KMO: variants seen among roughly 807,000 people sequenced by gnomAD.
KMO encodes kynurenine 3-monooxygenase.
A neutral mutation model predicts 57.8 loss-of-function variants in KMO; 24 were observed. That is an observed-to-expected ratio of 0.42 (90% CI 0.30 to 0.58). The LOEUF is 0.58. Among genes scored for constraint, KMO ranks in the 20% least tolerant of loss-of-function variants. The pLI is 0.22. For synonymous variants in KMO, 210 were observed against 193.6 expected, an observed-to-expected ratio of 1.08 and a Z score of -0.70; for missense variants, 483 against 588.2, an observed-to-expected ratio of 0.82 and a Z score of 1.85.
chr1:241,550,140 ACT>A (rs570409159), intron 3 of KMO: 156 of 163,282 alleles, frequency 9.6e-4, no homozygotes, highest in African/African-American at 2.7e-3. Context: ...CTCCAAAAAG[ACT>A]CTGAAAATAG....
At chr1:241,539,732 C>T (rs566062450) in intron 1 of KMO, among the ~76,000 whole-genome samples, 3 of 152,294 alleles carry the variant, frequency 2.0e-5, no homozygotes, top group Admixed American at 6.5e-5. Context: ...TCTCATTCCC[C>T]TGTTATCCTT....
chr1:241,540,543 C>T (rs1465999356), intron 1 of KMO, among the ~76,000 whole-genome samples: 1 of 151,968 alleles, frequency 6.6e-6, no homozygotes, highest in Admixed American at 6.6e-5. Flanking sequence ...AAGTGCATGG[C>T]ATATTCAGAA....
chr1:241,538,584 A>G (rs1660830768), intron 1 of KMO, among the ~76,000 whole-genome samples: 1 of 152,222 alleles, frequency 6.6e-6, no homozygotes, highest in Non-Finnish European at 1.5e-5. Context: ...ATAAAAAGCA[A>G]GCAAGGCAGG....
chr1:241,541,418 T>A (rs761795259), intron 1 of KMO, among the ~76,000 whole-genome samples: 30 of 152,118 alleles, frequency 2.0e-4, no homozygotes, highest in Non-Finnish European at 3.2e-4. Flanking sequence ...AGAAGGAGAA[T>A]GAGAGGGCTG....
Position 241,586,856 on chromosome 1 carries a change from T to C in KMO, c.1015+120T>C. 4 of 697,596 alleles carry C rather than the reference T, an allele frequency of 5.7e-6. No individual in the cohort carries two copies. In the South Asian group the frequency reaches 8.1e-5, roughly 14 times the overall value. 43.2% of individuals were successfully genotyped at this position (697,596 alleles called of 1,614,324 possible). A position where few individuals can be genotyped will look rare whatever the true frequency, so the allele number is the denominator to read the frequency against. On this transcript the variant is annotated intron_variant, in intron 11 of 14. Transcript: ENST00000366559. ...TATAATGTATATTATCTCCCCAGGA[T>C]TACATATTTTTCTACTAATAGTCTA...
At chr1:241,564,200 A>T (rs1178433921) in intron 7 of KMO, among the ~76,000 whole-genome samples, 1 of 152,186 alleles carries the variant, frequency 6.6e-6, no homozygotes, top group African/African-American at 2.4e-5. Context: ...TCTGTAAGCT[A>T]TACATGGAAG....
intron 11 of KMO, among the ~76,000 whole-genome samples, chr1:241,588,138 G>A (rs1573941470): frequency 6.6e-6 from 1 of 151,912 alleles, no homozygotes. Context: ...ATAAAGTGGG[G>A]ATGATACTCT....
At chr1:241,550,781 C>G (rs1282141932) in intron 3 of KMO, among the ~76,000 whole-genome samples, 174 bp from the exon 4 acceptor site, 1 of 152,160 alleles carries the variant, frequency 6.6e-6, no homozygotes, top group African/African-American at 2.4e-5. Context: ...CTAAAAGCTT[C>G]AGGATCACCA....
intron 1 of KMO, among the ~76,000 whole-genome samples, chr1:241,542,597 A>G (rs1425682718): frequency 6.6e-6 from 1 of 152,218 alleles, no homozygotes; most frequent in Non-Finnish European, 1.5e-5. Context: ...TCATGTCCTT[A>G]CTGGGAACAG....
intron 1 of KMO, among the ~76,000 whole-genome samples, chr1:241,547,971 T>A (rs926207362): frequency 1.9e-4 from 29 of 152,156 alleles, no homozygotes; most frequent in African/African-American, 7.0e-4. Flanking sequence ...TCTGTGATCT[T>A]TCATTTAATG....
At position 241,568,718 on chromosome 1, in the gene KMO, A is replaced by C. The variant is rs916730084; in HGVS notation, c.957+71A>C. The C allele has an allele frequency of 1.8e-5, 26 of 1,430,394 alleles. No homozygotes were observed. The South Asian group carries it at 3.2e-4, about 17-fold the overall frequency. 88.6% of individuals were successfully genotyped at this position (1,430,394 alleles called of 1,614,324 possible). A position where few individuals can be genotyped will look rare whatever the true frequency, so the allele number is the denominator to read the frequency against. On this transcript the variant is annotated intron_variant, in intron 10 of 14. Coordinates refer to ENST00000366559, the MANE Select transcript of KMO (RefSeq NM_003679.5). ...AGTCTCAGCTAACAAGTCTTACGTA[A>C]AAAATATGTCTAAGACTATCCCCAC...
At chr1:241,533,010 C>A (rs992439322) in intron 1 of KMO, among the ~76,000 whole-genome samples, 1 of 152,174 alleles carries the variant, frequency 6.6e-6, no homozygotes, top group African/African-American at 2.4e-5. Context: ...TTTATGTGGT[C>A]GCCTGACTTA....
chr1:241,561,347 A>G (rs1253631240), intron 6 of KMO, among the ~76,000 whole-genome samples: 2 of 152,190 alleles, frequency 1.3e-5, no homozygotes, highest in Non-Finnish European at 2.9e-5. Context: ...CTTCTCCCAA[A>G]TCACATCCCA....
chr1:241,592,153 A>G lies in KMO; in HGVS notation c.1461A>G (p.Ter487TrpextTer1). Residue 487 changes from the stop codon to tryptophan (W), a stop_lost, in exon 15 of 15, where the codon TGA (stop) becomes TGG (tryptophan). Coordinates refer to ENST00000366559, the MANE Select transcript of KMO (RefSeq NM_003679.5). ...AAATTTCCAATCTCATTAGCAGGTG[A>G]TAGAAAGGTTTTGTGGTAGCAAATG... ...LEQISNLISR* is the reference protein window; with the variant it reads ...LEQISNLISRW 1.9e-6 allele frequency: 3 copies of G among 1,612,382 alleles called. No individual in the cohort carries two copies. Among genetic ancestry groups the G allele is most frequent in the Non-Finnish European group, 2.5e-6 (3 of 1,179,042 alleles).
At chr1:241,588,221 A>G (rs1252938549) in intron 11 of KMO, among the ~76,000 whole-genome samples, 1 of 152,104 alleles carries the variant, frequency 6.6e-6, no homozygotes, top group Non-Finnish European at 1.5e-5. Flanking sequence ...ACCGTAAAGT[A>G]AGTTCATAGT....
Position 241,566,276 on chromosome 1 carries a change from C to T in KMO, c.688-215C>T, listed in dbSNP as rs185485156. On this transcript the variant is annotated intron_variant, in intron 8 of 14. Coordinates refer to ENST00000366559, the MANE Select transcript of KMO (RefSeq NM_003679.5). ...GAGAGTTTACAATATAGAAATTGTC[C>T]GAATAATCAAAGAAGCTGGAGAGCA... Among the ~76,000 whole-genome samples, 667 of 152,144 alleles carry T rather than the reference C, an allele frequency of 4.4e-3. 5 individuals are homozygous for T. Among genetic ancestry groups the T allele is most frequent in the African/African-American group, 0.014 (565 of 41,484 alleles).
chr1:241,535,458 A>G (rs1660723541), intron 1 of KMO, among the ~76,000 whole-genome samples: 1 of 152,176 alleles, frequency 6.6e-6, no homozygotes, highest in South Asian at 2.1e-4. Context: ...AAACTTGCCT[A>G]ATGAAAAGTC....
At chr1:241,534,749 A>G (rs890753969) in intron 1 of KMO, among the ~76,000 whole-genome samples, 2 of 152,242 alleles carry the variant, frequency 1.3e-5, no homozygotes, top group Admixed American at 6.5e-5. Context: ...AGTCCATACT[A>G]CACACCACAG....
At chr1:241,560,440 T>G (rs1329540920) in intron 5 of KMO, among the ~76,000 whole-genome samples, 2 of 152,228 alleles carry the variant, frequency 1.3e-5, no homozygotes, top group Non-Finnish European at 2.9e-5. Context: ...GTTTTCTTTT[T>G]GAGATGAGGA....
Sources: allele counts gnomAD v4.1 joint callset (sites outside exome capture counted in the v4.1 genomes callset), GRCh38; gene constraint gnomAD v4.1.1; transcripts MANE v1.5; gene names NCBI Gene and HGNC (gene_info 2026-07-23, HGNC 2026-07-21).